The following EML5 variants were observed in gnomAD, a reference collection of about 807,000 sequenced individuals.
EML5 encodes EMAP like 5, also known as echinoderm microtubule-associated protein-like 5.
A neutral mutation model predicts 250.0 loss-of-function variants in EML5; 120 were observed. That is an observed-to-expected ratio of 0.48 (90% CI 0.41 to 0.56). The LOEUF is 0.56. Among genes scored for constraint, EML5 ranks in the 20% least tolerant of loss-of-function variants. EML5 has a pLI of 0.00. For synonymous variants in EML5, 771 were observed against 806.5 expected (o/e 0.96, Z 0.75); for missense variants, 2,006 against 2,437.6 (o/e 0.82, Z 3.73).
At chr14:88,712,001 G>A (rs1054446164) in intron 10 of EML5, among the ~76,000 whole-genome samples, 9 of 150,832 alleles carry the variant, frequency 6.0e-5, no homozygotes, top group East Asian at 1.9e-4. Context: ...AAGAATTCAC[G>A]AAGTGAAAAG....
At chr14:88,704,809 T>C in intron 13 of EML5, 51 bp downstream of exon 13, 2 of 1,377,470 alleles carry the variant, frequency 1.5e-6, no homozygotes, top group South Asian at 1.2e-5. Flanking sequence ...GTTAAGCTAG[T>C]AAGTGTGAAC....
At chr14:88,737,617 C>A (rs536246924) in intron 6 of EML5, among the ~76,000 whole-genome samples, 1 of 152,320 alleles carries the variant, frequency 6.6e-6, no homozygotes, top group East Asian at 1.9e-4. Context: ...AATTTTGTAC[C>A]TTTTATATCT....
chr14:88,700,452 G>A (rs1055309999), intron 14 of EML5, among the ~76,000 whole-genome samples: 1 of 152,068 alleles, frequency 6.6e-6, no homozygotes, highest in African/African-American at 2.4e-5. Context: ...GACAAACCAG[G>A]AGCATCCCTG....
chr14:88,736,322 G>A (rs1337179606), intron 7 of EML5, 42 bp downstream of exon 7: 3 of 1,598,810 alleles, frequency 1.9e-6, no homozygotes, highest in East Asian at 2.2e-5. Flanking sequence ...GTTTATCTAA[G>A]GATACATTCC....
At chr14:88,694,898 A>C (rs1204776733) in intron 16 of EML5, among the ~76,000 whole-genome samples, 1 of 152,178 alleles carries the variant, frequency 6.6e-6, no homozygotes. Flanking sequence ...TCCTCCTTTA[A>C]AGCATTGTTA....
Position 88,704,996 on chromosome 14 carries a change from A to T in EML5, c.1933-18T>A. 6.5e-7 allele frequency: 1 copy of T among 1,527,728 alleles called. No individual in the cohort carries two copies. The highest frequency in any genetic ancestry group is 9.0e-7 in the Non-Finnish European group (1 of 1,108,062). 94.6% of individuals were successfully genotyped at this position (1,527,728 alleles called of 1,614,324 possible). A position where few individuals can be genotyped will look rare whatever the true frequency, so the allele number is the denominator to read the frequency against. ...TTGTAAACCTTTAAAAATGTATACA[A>T]GTAGAAATATTCTTAGAATATATAC... On this transcript the variant is annotated intron_variant, in intron 12 of 43. Transcript: ENST00000554922.
At chr14:88,706,504 C>A in intron 10 of EML5, 78 bp from the exon 11 acceptor site, 1 of 1,070,054 alleles carries the variant, frequency 9.3e-7, no homozygotes, top group Non-Finnish European at 1.3e-6. Flanking sequence ...TATATATGAA[C>A]CACTGTATCA....
chr14:88,696,287 C>T (rs911769396), intron 15 of EML5, among the ~76,000 whole-genome samples: 1 of 151,864 alleles, frequency 6.6e-6, no homozygotes, highest in Admixed American at 6.6e-5. Flanking sequence ...TAATGTATTT[C>T]CTCCCTCTTC....
chr14:88,762,591 T>C (rs1460397265), intron 1 of EML5, among the ~76,000 whole-genome samples: 1 of 152,102 alleles, frequency 6.6e-6, no homozygotes, highest in Non-Finnish European at 1.5e-5. Flanking sequence ...CCGCTGTCAA[T>C]ATTAGATCAA....
chr14:88,646,913 TTAGGCTTTGTAA>T (rs756618128), intron 29 of EML5, 22 bp downstream of exon 29: 1 of 1,582,030 alleles, frequency 6.3e-7, no homozygotes, highest in Non-Finnish European at 8.5e-7. Context: ...AAATACAAAG[TTAGGCTTTGTAA>T]ACACAGCAAA....
At chr14:88,694,819 ATATATT>A (rs759570025) in intron 16 of EML5, among the ~76,000 whole-genome samples, 7 of 152,230 alleles carry the variant, frequency 4.6e-5, no homozygotes, top group Non-Finnish European at 8.8e-5. Context: ...GCATTTATCT[ATATATT>A]TAAAGTGCTT....
Position 88,627,022 on chromosome 14 carries a change from C to T in EML5, c.4556G>A (p.Gly1519Asp), listed in dbSNP as rs757023015. Residue 1519 changes from glycine (G) to aspartate (D), a missense_variant, in exon 35 of 44, where the codon GGT (glycine) becomes GAT (aspartate). Physicochemically the swap from Gly to Asp is moderately conservative, Grantham distance 94 (BLOSUM62 -1). This residue lies in a region of EML5 where 405 missense variants were observed against 523.3 expected (regional missense o/e 0.77). Coordinates refer to ENST00000554922, the MANE Select transcript of EML5 (RefSeq NM_183387.3). ...QEGAKIASRA[G>D]HNQRIFVAEF... is the part of the protein sequence containing the mutation. The stretch of plus-strand genomic sequence containing the variant: ...TGCCACAAAAATACGTTGATTGTGA[C>T]CAGCTCTGCTGGCAATTTTGGCACC... 1 of 1,613,720 alleles carries T rather than the reference C, an allele frequency of 6.2e-7. No individual in the cohort carries two copies. The highest frequency in any genetic ancestry group is 1.1e-5 in the South Asian group (1 of 91,070).
chr14:88,698,942 T>A (rs2093144537), intron 14 of EML5, among the ~76,000 whole-genome samples: 1 of 152,140 alleles, frequency 6.6e-6, no homozygotes. Context: ...ATCCTTATTT[T>A]AAAGGATGAA....
intron 1 of EML5, among the ~76,000 whole-genome samples, chr14:88,780,552 C>T (rs995115286): frequency 6.6e-6 from 1 of 151,792 alleles, no homozygotes; most frequent in African/African-American, 2.4e-5. Flanking sequence ...GGCAGGGCAG[C>T]AGTTGATGTT....
At chr14:88,762,356 A>C (rs1346462929) in intron 1 of EML5, among the ~76,000 whole-genome samples, 1 of 152,088 alleles carries the variant, frequency 6.6e-6, no homozygotes, top group Non-Finnish European at 1.5e-5. Flanking sequence ...AATAAAAATA[A>C]AAAATTAGCG....
chr14:88,780,211 C>T (rs1367786209), intron 1 of EML5, among the ~76,000 whole-genome samples: 1 of 152,154 alleles, frequency 6.6e-6, no homozygotes, highest in Non-Finnish European at 1.5e-5. Flanking sequence ...CCTCAGCCTC[C>T]CAAAGTGCTG....
chr14:88,689,357 G>T (rs962131586), intron 17 of EML5, among the ~76,000 whole-genome samples: 1 of 152,224 alleles, frequency 6.6e-6, no homozygotes, highest in Non-Finnish European at 1.5e-5. Context: ...ACAGTGAAAA[G>T]AATTCCTTGT....
intron 40 of EML5, 136 bp from the exon 41 acceptor site, chr14:88,618,467 AAAACTT>A (rs1363914779): frequency 6.4e-6 from 7 of 1,091,430 alleles, no homozygotes; most frequent in Non-Finnish European, 9.2e-6. Flanking sequence ...GATCACTACA[AAAACTT>A]AATAGGAGAA....
At chr14:88,616,298 C>CT in intron 42 of EML5, 56 bp from the exon 43 acceptor site, 1 of 1,508,522 alleles carries the variant, frequency 6.6e-7, no homozygotes, top group African/African-American at 1.4e-5. Context: ...AAGTCAAAGG[C>CT]TCTTATTAGG....
Sources: gnomAD v4.1 joint callset for allele counts (sites outside exome capture counted in the v4.1 genomes callset) on GRCh38, gnomAD v4.1.1 for gene constraint, gnomAD v4.1.1 regional missense constraint, MANE v1.5 for transcripts, NCBI Gene and HGNC (gene_info 2026-07-23, HGNC 2026-07-21) for gene names.